The following SUPT3H variants were observed in gnomAD, a reference collection of about 807,000 sequenced individuals.
SUPT3H encodes SPT3 homolog, SAGA and STAGA complex component, also known as transcription initiation protein SPT3 homolog.
Under a neutral mutation model 44.3 loss-of-function variants are expected in SUPT3H, and 44 were observed. That is an observed-to-expected ratio of 0.99 (90% CI 0.78 to 1.28). SUPT3H has a LOEUF of 1.28. Ranked by LOEUF, SUPT3H falls within the 50% of genes most tolerant of loss-of-function variation. The pLI, the probability that SUPT3H is intolerant of heterozygous loss-of-function variation, is 0.00. For missense variants in SUPT3H, 380 were observed against 387.1 expected, an observed-to-expected ratio of 0.98 and a Z score of 0.15; for synonymous variants, 124 against 125.6, an observed-to-expected ratio of 0.99 and a Z score of 0.09.
At chr6:45,016,508 A>C (rs1475288107) in intron 4 of SUPT3H, among the ~76,000 whole-genome samples, 31 of 82,588 alleles carry the variant, frequency 3.8e-4, no homozygotes, top group Middle Eastern at 0.012. Flanking sequence ...CCCACCCCAC[A>C]ACAGTCCCCA....
chr6:44,850,207 A>G (rs1300334131), intron 10 of SUPT3H, among the ~76,000 whole-genome samples: 1 of 152,202 alleles, frequency 6.6e-6, no homozygotes, highest in African/African-American at 2.4e-5. Flanking sequence ...TAACCAATAA[A>G]TGATTTAAGG....
chr6:44,972,661 C>T lies in SUPT3H; in HGVS notation c.505-10833G>A, dbSNP rs563764047. Among the ~76,000 whole-genome samples, 8 of 152,312 alleles carry T rather than the reference C, an allele frequency of 5.3e-5. No individual in the cohort carries two copies. The East Asian group carries it at 5.8e-4, about 11-fold the overall frequency. ...GAGGTTTTCCAGGAGGGCTCTGCCC[C>T]GGCAACACACCCCTGCCTAGACATC... On this transcript the variant is annotated intron_variant, in intron 6 of 10. Coordinates refer to ENST00000371459, the MANE Select transcript of SUPT3H (RefSeq NM_003599.4).
chr6:44,926,669 G>A (rs1329645640), intron 10 of SUPT3H, among the ~76,000 whole-genome samples: 1 of 152,112 alleles, frequency 6.6e-6, no homozygotes, highest in Non-Finnish European at 1.5e-5. Context: ...CTAGCTGTAT[G>A]TTAACTTGGG....
At chr6:45,064,598 T>C (rs1480707935) in intron 3 of SUPT3H, among the ~76,000 whole-genome samples, 6 of 143,518 alleles carry the variant, frequency 4.2e-5, no homozygotes, top group South Asian at 2.4e-4. Flanking sequence ...AGGCTCAAAA[T>C]AAAAGGATGG....
chr6:45,180,644 C>A (rs1265752907), intron 2 of SUPT3H, among the ~76,000 whole-genome samples: 5 of 152,044 alleles, frequency 3.3e-5, no homozygotes, highest in Admixed American at 2.6e-4. Context: ...ATAAACGGTG[C>A]TGGGAAAATT....
intron 7 of SUPT3H, among the ~76,000 whole-genome samples, 180 bp downstream of exon 7, chr6:44,961,573 G>C (rs1017734630): frequency 3.9e-5 from 6 of 152,162 alleles, no homozygotes; most frequent in Non-Finnish European, 8.8e-5. Flanking sequence ...CTGCAAAGCA[G>C]TAGAATGTAG....
At chr6:45,252,438 T>C (rs9395084) in intron 2 of SUPT3H, among the ~76,000 whole-genome samples, 46,503 of 151,996 alleles carry the variant, frequency 0.31, 8,772 homozygotes, top group East Asian at 0.57. Context: ...TCAGGGAAAA[T>C]AGATATTTGC....
intron 4 of SUPT3H, among the ~76,000 whole-genome samples, 180 bp from the exon 5 acceptor site, chr6:45,015,071 C>T (rs890093198): frequency 6.6e-6 from 1 of 152,130 alleles, no homozygotes; most frequent in Non-Finnish European, 1.5e-5. Flanking sequence ...GGCTAAAATA[C>T]AAGTCTTTTA....
At chr6:44,922,349 A>C (rs903356554) in intron 10 of SUPT3H, among the ~76,000 whole-genome samples, 3 of 152,236 alleles carry the variant, frequency 2.0e-5, no homozygotes, top group African/African-American at 7.2e-5. Flanking sequence ...TGAAAGGTGC[A>C]AATTTCCTAT....
At chr6:45,313,483 C>T (rs1784261427) in intron 2 of SUPT3H, among the ~76,000 whole-genome samples, 1 of 151,846 alleles carries the variant, frequency 6.6e-6, no homozygotes, top group South Asian at 2.1e-4. Context: ...TACTGAAATA[C>T]AAAAGATCAT....
At chr6:45,253,336 C>T (rs1195078736) in intron 2 of SUPT3H, among the ~76,000 whole-genome samples, 2 of 152,180 alleles carry the variant, frequency 1.3e-5, no homozygotes, top group Non-Finnish European at 2.9e-5. Flanking sequence ...CATCAAAAAC[C>T]TATTTTTGTA....
intron 3 of SUPT3H, among the ~76,000 whole-genome samples, chr6:45,042,808 T>C (rs1406770292): frequency 2.2e-5 from 1 of 45,462 alleles, no homozygotes; most frequent in East Asian, 7.1e-4. Flanking sequence ...GTATGTTTAC[T>C]GCAGCACTAT....
intron 10 of SUPT3H, among the ~76,000 whole-genome samples, chr6:44,907,241 C>T (rs567204692): frequency 1.3e-5 from 2 of 152,278 alleles, no homozygotes; most frequent in South Asian, 2.1e-4. Flanking sequence ...TTTTTCACCT[C>T]CTTTACGGGG....
At position 45,203,728 on chromosome 6, in the gene SUPT3H, G is replaced by C. The variant is rs149152058; in HGVS notation, c.102-97722C>G. Among the ~76,000 whole-genome samples the C allele has an allele frequency of 2.0e-4, 31 of 152,152 alleles. No homozygotes were observed. The East Asian group carries it at 5.4e-3, about 27-fold the overall frequency. On this transcript the variant is annotated intron_variant, in intron 2 of 10. Transcript: ENST00000371459. Reference sequence around the variant, plus strand: ...TCTCCAGCCTCATGCAGAGCCTTCTGCCCCAGCCATGAAGGACTTCTCTCA... The same window carrying C: ...TCTCCAGCCTCATGCAGAGCCTTCTCCCCCAGCCATGAAGGACTTCTCTCA...
At chr6:45,149,711 G>C (rs186615698) in intron 2 of SUPT3H, among the ~76,000 whole-genome samples, 1 of 152,224 alleles carries the variant, frequency 6.6e-6, no homozygotes, top group African/African-American at 2.4e-5. Context: ...ATGTTATCTG[G>C]TCAGTGCTAA....
chr6:45,253,834 C>T (rs1772802053), intron 2 of SUPT3H, among the ~76,000 whole-genome samples: 2 of 71,690 alleles, frequency 2.8e-5, no homozygotes, highest in South Asian at 5.9e-4. Flanking sequence ...AAAATACACA[C>T]GTACACATAT....
chr6:45,283,684 G>C (rs1778629844), intron 2 of SUPT3H, among the ~76,000 whole-genome samples: 1 of 151,858 alleles, frequency 6.6e-6, no homozygotes, highest in Non-Finnish European at 1.5e-5. Context: ...CAACGAGACA[G>C]AAAGTTAACA....
chr6:45,056,102 A>T (rs146461003), intron 3 of SUPT3H, among the ~76,000 whole-genome samples: 2,670 of 152,304 alleles, frequency 0.018, 53 homozygotes, highest in South Asian at 0.086. Context: ...TGATCAGGGG[A>T]ATGCAAATCA....
chr6:44,836,622 A>G (rs928998762), intron 10 of SUPT3H, among the ~76,000 whole-genome samples: 1 of 152,150 alleles, frequency 6.6e-6, no homozygotes, highest in Non-Finnish European at 1.5e-5. Flanking sequence ...GTTATTACCA[A>G]GTTGTTTTGG....
Sources: gnomAD v4.1 joint callset for allele counts (sites outside exome capture counted in the v4.1 genomes callset) on GRCh38, gnomAD v4.1.1 for gene constraint, MANE v1.5 for transcripts, NCBI Gene and HGNC (gene_info 2026-07-23, HGNC 2026-07-21) for gene names.